The following RREB1 variants were observed in gnomAD, a reference collection of about 807,000 sequenced individuals.
RREB1 encodes ras responsive element binding protein 1.
Under a neutral mutation model 117.8 loss-of-function variants are expected in RREB1, and 27 were observed. The observed-to-expected ratio is 0.23, with a 90% CI of 0.17 to 0.32. RREB1 has a LOEUF of 0.32. RREB1 is among the 10% of genes least tolerant of loss of function. The probability of loss-of-function intolerance (pLI) is 1.00; values close to 1 mark genes in which losing one functional copy is unlikely to be tolerated. For missense variants in RREB1, 2,577 were observed against 2,378.2 expected, an observed-to-expected ratio of 1.08 and a Z score of -1.74; for synonymous variants, 1,298 against 1,026.7, an observed-to-expected ratio of 1.26 and a Z score of -5.05.
At chr6:7,163,675 T>C (rs1343940723) in intron 1 of RREB1, among the ~76,000 whole-genome samples, 3 of 152,180 alleles carry the variant, frequency 2.0e-5, no homozygotes, top group Non-Finnish European at 4.4e-5. Flanking sequence ...ATTACAGGCG[T>C]GAGCCACCGC....
At position 7,207,012 on chromosome 6, in the gene RREB1, T is replaced by G. The variant is rs115517777; in HGVS notation, c.426-3792T>G. ...TGTCAGAGGAATTTAAGCAGGGGAGTGGTATGATTGGTCCTGTGTTTTAGA... is the reference window on the plus strand; with the variant it reads ...TGTCAGAGGAATTTAAGCAGGGGAGGGGTATGATTGGTCCTGTGTTTTAGA... On this transcript the variant is annotated intron_variant, in intron 6 of 12. Coordinates refer to ENST00000379938, the MANE Select transcript of RREB1 (RefSeq NM_001003699.4). Among the ~76,000 whole-genome samples the G allele has an allele frequency of 6.1e-3, 929 of 151,742 alleles. 14 individuals carry two copies. The highest frequency in any genetic ancestry group is 0.021 in the African/African-American group (877 of 41,332).
chr6:7,205,753 T>C lies in RREB1; in HGVS notation c.426-5051T>C, dbSNP rs551715456. ...CCTTCAGCCCTTGCACAGGGTGTAC[T>C]CTTTGGTTTAACTCTGATGTTTTCA... On this transcript the variant is annotated intron_variant, in intron 6 of 12. Transcript: ENST00000379938. Among the ~76,000 whole-genome samples, 72 of 152,318 alleles carry C rather than the reference T, an allele frequency of 4.7e-4. 1 individual carries two copies. The South Asian group carries it at 0.014, about 30-fold the overall frequency.
intron 6 of RREB1, among the ~76,000 whole-genome samples, chr6:7,207,234 T>G (rs1381448810): frequency 6.6e-6 from 1 of 152,184 alleles, no homozygotes; most frequent in Non-Finnish European, 1.5e-5. Context: ...TAAGACAGAT[T>G]TCTAGGAGTA....
intron 1 of RREB1, among the ~76,000 whole-genome samples, chr6:7,125,065 A>AC (rs1453013057): frequency 2.0e-5 from 3 of 152,228 alleles, no homozygotes; most frequent in Non-Finnish European, 4.4e-5. Flanking sequence ...TACCAGTGGA[A>AC]CAGCTTATTC....
At chr6:7,141,279 G>A (rs972657203) in intron 1 of RREB1, among the ~76,000 whole-genome samples, 2 of 152,202 alleles carry the variant, frequency 1.3e-5, no homozygotes, top group Non-Finnish European at 2.9e-5. Context: ...GCGTTCCCCC[G>A]TGAGTAGAGC....
At chr6:7,219,039 G>A (rs891210861) in intron 8 of RREB1, 1 of 141,580 alleles carries the variant, frequency 7.1e-6, no homozygotes, top group African/African-American at 2.6e-5. Flanking sequence ...CTTGAGGTGA[G>A]GAGTTGGAGA....
intron 6 of RREB1, among the ~76,000 whole-genome samples, chr6:7,194,479 AG>A (rs1765571000): frequency 6.6e-6 from 1 of 152,116 alleles, no homozygotes; most frequent in Admixed American, 6.5e-5. Context: ...TGAACCCAGG[AG>A]GTGGAAGTTG....
At chr6:7,225,550 G>A (rs988674427) in intron 8 of RREB1, among the ~76,000 whole-genome samples, 7 of 152,178 alleles carry the variant, frequency 4.6e-5, no homozygotes, top group African/African-American at 1.7e-4. Context: ...GGTCTGAAAA[G>A]CAGAGACAAT....
At chr6:7,139,974 A>G (rs1762491732) in intron 1 of RREB1, among the ~76,000 whole-genome samples, 1 of 152,238 alleles carries the variant, frequency 6.6e-6, no homozygotes, top group South Asian at 2.1e-4. Flanking sequence ...AACATTAACT[A>G]CTTTTATCAG....
intron 1 of RREB1, among the ~76,000 whole-genome samples, chr6:7,129,468 T>C (rs1404221268): frequency 6.6e-6 from 1 of 152,236 alleles, no homozygotes; most frequent in Admixed American, 6.5e-5. Flanking sequence ...GTGTCTGTGC[T>C]TTGGGTGACT....
At chr6:7,124,246 G>T (rs1295918859) in intron 1 of RREB1, among the ~76,000 whole-genome samples, 1 of 152,214 alleles carries the variant, frequency 6.6e-6, no homozygotes, top group Non-Finnish European at 1.5e-5. Context: ...CTGGAGAGTA[G>T]ATGCTGTGTG....
At chr6:7,206,187 T>A (rs1766260829) in intron 6 of RREB1, among the ~76,000 whole-genome samples, 1 of 152,184 alleles carries the variant, frequency 6.6e-6, no homozygotes, top group Admixed American at 6.5e-5. Flanking sequence ...CTACAATGAG[T>A]GTAGGTATTG....
intron 1 of RREB1, among the ~76,000 whole-genome samples, chr6:7,169,860 C>G (rs989363726): frequency 1.3e-5 from 2 of 152,156 alleles, no homozygotes; most frequent in African/African-American, 4.8e-5. Context: ...CTAGCTCTCC[C>G]GTGGATCATG....
At chr6:7,188,254 C>T (rs9505065) in intron 5 of RREB1, among the ~76,000 whole-genome samples, 82,927 of 141,270 alleles carry the variant, frequency 0.59, 23,312 homozygotes, top group Admixed American at 0.68. Flanking sequence ...TGTGTGTGTG[C>T]GCGCGCGCAC....
At chr6:7,239,343 G>A (rs1398364737) in intron 10 of RREB1, among the ~76,000 whole-genome samples, 1 of 152,216 alleles carries the variant, frequency 6.6e-6, no homozygotes, top group Non-Finnish European at 1.5e-5. Flanking sequence ...GAGGAATTCA[G>A]TGATACACAA....
Position 7,250,873 on chromosome 6 carries a change from C to A in RREB1, c.*1905C>A, listed in dbSNP as rs1339771319. On this transcript the variant is annotated 3_prime_UTR_variant, in exon 13 of 13. Transcript: ENST00000379938. The stretch of plus-strand genomic sequence containing the variant: ...AGGGGTGTATGAACCAGTTTAAAAA[C>A]GAGGTTTTATTTACTGTAGAGATGA... 6.6e-6 allele frequency: 1 copy of A among 152,048 alleles called. No homozygotes were observed. Among genetic ancestry groups the A allele is most frequent in the Non-Finnish European group, 1.5e-5 (1 of 68,022 alleles). 9.4% of individuals were successfully genotyped at this position (152,048 alleles called of 1,614,324 possible). A position where few individuals can be genotyped will look rare whatever the true frequency, so the allele number is the denominator to read the frequency against.
Position 7,230,339 on chromosome 6 carries a change from C to T in RREB1, c.2240C>T (p.Ala747Val), listed in dbSNP as rs775237050. The T allele has an allele frequency of 1.3e-6, 2 of 1,589,944 alleles. No homozygotes were observed. Among genetic ancestry groups the T allele is most frequent in the Non-Finnish European group, 8.5e-7 (1 of 1,173,146 alleles). The change falls in exon 10 of 13, where the codon GCC becomes GTC. Residue 747 changes from alanine (A) to valine (V), a missense_variant. Coordinates refer to ENST00000379938, the MANE Select transcript of RREB1 (RefSeq NM_001003699.4). Reference protein sequence around the residue: ...VSSSAAELVDAFCAPDTVCRL... With the variant: ...VSSSAAELVDVFCAPDTVCRL... ...AGCAGCGCGGCCGAGCTGGTGGACG[C>T]CTTCTGCGCCCCGGACACCGTGTGC... is the stretch of plus-strand genomic sequence containing the variant.
chr6:7,186,825 G>A (rs576101675), intron 4 of RREB1, among the ~76,000 whole-genome samples: 7 of 152,278 alleles, frequency 4.6e-5, no homozygotes, highest in East Asian at 3.9e-4. Context: ...CAAAGTTGTC[G>A]TGATAAGGAC....
intron 1 of RREB1, among the ~76,000 whole-genome samples, chr6:7,118,193 T>C (rs1403868634): frequency 6.6e-6 from 1 of 152,192 alleles, no homozygotes; most frequent in African/African-American, 2.4e-5. Flanking sequence ...GAATCTCAGC[T>C]CACTGCAACC....
Sources: allele counts gnomAD v4.1 joint callset (sites outside exome capture counted in the v4.1 genomes callset), GRCh38; gene constraint gnomAD v4.1.1; transcripts MANE v1.5; gene names NCBI Gene and HGNC (gene_info 2026-07-23, HGNC 2026-07-21).